The following FBXL13 variants were observed in gnomAD, a reference collection of about 807,000 sequenced individuals.
FBXL13 encodes the protein F-box and leucine-rich repeat protein 13.
Under a neutral mutation model 83.6 loss-of-function variants are expected in FBXL13, and 67 were observed. The observed-to-expected ratio is 0.80, with a 90% CI of 0.66 to 0.98. FBXL13 has a LOEUF of 0.98. Among genes scored for constraint, FBXL13 ranks in the 50% least tolerant of loss-of-function variants. The probability of loss-of-function intolerance (pLI) is 0.00; values close to 1 mark genes in which losing one functional copy is unlikely to be tolerated. For synonymous variants in FBXL13, 272 were observed against 299.5 expected (o/e 0.91, Z 0.95); for missense variants, 822 against 866.5 (o/e 0.95, Z 0.64).
intron 6 of FBXL13, among the ~76,000 whole-genome samples, chr7:103,003,224 T>C (rs1395444813): frequency 6.6e-6 from 1 of 151,716 alleles, no homozygotes; most frequent in Non-Finnish European, 1.5e-5. Context: ...AATGCATTTC[T>C]CAGTTCCAGG....
chr7:102,811,896 T>C (rs2129444368), downstream of FBXL13, among the ~76,000 whole-genome samples: 1 of 152,348 alleles, frequency 6.6e-6, no homozygotes, highest in East Asian at 1.9e-4. Context: ...TCAAAAACTT[T>C]GCAAGTCAAC....
chr7:102,922,699 G>A (rs1366663415), intron 10 of FBXL13, among the ~76,000 whole-genome samples: 4 of 152,230 alleles, frequency 2.6e-5, no homozygotes, highest in South Asian at 2.1e-4. Context: ...ATGACTGGGC[G>A]TGGTGGCTCA....
At position 102,969,907 on chromosome 7, in the gene FBXL13, G is replaced by T. The variant is rs150452962; in HGVS notation, c.496-1790C>A. On this transcript the variant is annotated intron_variant, in intron 6 of 19. Coordinates refer to ENST00000313221, the Ensembl canonical transcript of FBXL13. ...AAAGAAAAAAGAAAAGAAAAGAAAAGAAATCAACCATACTGGCAAAAGAAA... is the reference window on the plus strand; with the variant it reads ...AAAGAAAAAAGAAAAGAAAAGAAAATAAATCAACCATACTGGCAAAAGAAA... Among the ~76,000 whole-genome samples the T allele has an allele frequency of 3.6e-3, 550 of 151,890 alleles. 4 individuals are homozygous for T. The highest frequency in any genetic ancestry group is 0.013 in the African/African-American group (543 of 41,404).
chr7:102,896,062 T>C (rs1043915176), intron 11 of FBXL13, among the ~76,000 whole-genome samples: 3 of 152,162 alleles, frequency 2.0e-5, no homozygotes, highest in African/African-American at 7.2e-5. Context: ...GCTTATGTTT[T>C]TGAAGAATAG....
intron 8 of FBXL13, among the ~76,000 whole-genome samples, chr7:102,960,630 T>C (rs1825034785): frequency 6.6e-6 from 1 of 152,158 alleles, no homozygotes; most frequent in South Asian, 2.1e-4. Context: ...AAAAAGCTTA[T>C]CCACCACAAT....
intron 17 of FBXL13, among the ~76,000 whole-genome samples, chr7:102,852,017 T>A (rs1805338577): frequency 6.6e-6 from 1 of 152,156 alleles, no homozygotes; most frequent in South Asian, 2.1e-4. Context: ...CTGGCATAAT[T>A]TTTCAAACTC....
At chr7:103,028,126 G>A (rs1380333242) in intron 4 of FBXL13, among the ~76,000 whole-genome samples, 1 of 152,164 alleles carries the variant, frequency 6.6e-6, no homozygotes, top group Non-Finnish European at 1.5e-5. Flanking sequence ...GTTATACTGA[G>A]TGAGCATGGA....
At chr7:102,833,040 T>C (rs2093832129) in intron 17 of FBXL13, 66 bp from the exon 19 acceptor site, 1 of 1,542,390 alleles carries the variant, frequency 6.5e-7, no homozygotes, top group African/African-American at 1.4e-5. Flanking sequence ...TTACTTATAG[T>C]AGCTTATTAA....
At chr7:102,911,764 G>A (rs899726583) in intron 11 of FBXL13, among the ~76,000 whole-genome samples, 12 of 152,190 alleles carry the variant, frequency 7.9e-5, no homozygotes, top group African/African-American at 2.9e-4. Context: ...TAAGAAGCTG[G>A]TCTAAAATTC....
At chr7:102,894,026 AAAAG>A (rs1362599835) in intron 11 of FBXL13, among the ~76,000 whole-genome samples, 1 of 152,074 alleles carries the variant, frequency 6.6e-6, no homozygotes, top group Non-Finnish European at 1.5e-5. Flanking sequence ...GAAAGAAAAG[AAAAG>A]AAAGAGACAA....
chr7:102,920,957 G>A (rs1050947606), intron 10 of FBXL13, among the ~76,000 whole-genome samples: 10 of 151,996 alleles, frequency 6.6e-5, no homozygotes, highest in African/African-American at 2.4e-4. Flanking sequence ...TTCGAGACCG[G>A]CCTGGCCAAC....
intron 2 of FBXL13, among the ~76,000 whole-genome samples, chr7:103,051,521 G>T (rs1796813857): frequency 6.6e-6 from 1 of 152,150 alleles, no homozygotes; most frequent in East Asian, 1.9e-4. Flanking sequence ...AACACAAGTG[G>T]GTCCTGCAGG....
At chr7:102,888,889 T>C (rs1484459214) in intron 11 of FBXL13, among the ~76,000 whole-genome samples, 1 of 152,188 alleles carries the variant, frequency 6.6e-6, no homozygotes, top group Non-Finnish European at 1.5e-5. Flanking sequence ...TGGCTCTACC[T>C]CTTTCTTGCT....
intron 9 of FBXL13, among the ~76,000 whole-genome samples, chr7:102,929,327 G>T (rs1818706275): frequency 6.6e-6 from 1 of 152,160 alleles, no homozygotes; most frequent in South Asian, 2.1e-4. Context: ...AAGTATCTGT[G>T]TTGAAGTACT....
chr7:103,056,774 C>G (rs1797378223), intron 1 of FBXL13, among the ~76,000 whole-genome samples: 1 of 152,126 alleles, frequency 6.6e-6, no homozygotes, highest in Admixed American at 6.5e-5. Flanking sequence ...ACATTTTCAC[C>G]AGCAGTGTAG....
intron 1 of FBXL13, among the ~76,000 whole-genome samples, chr7:103,070,182 A>T (rs554407722): frequency 2.0e-5 from 3 of 152,180 alleles, no homozygotes; most frequent in African/African-American, 7.2e-5. Flanking sequence ...CCCACAAATG[A>T]TCTGGATATT....
intron 6 of FBXL13, among the ~76,000 whole-genome samples, chr7:103,014,855 C>T (rs1437699828): frequency 3.8e-5 from 5 of 131,688 alleles, no homozygotes; most frequent in South Asian, 2.7e-4. Flanking sequence ...CCCCGGGGGG[C>T]GGAGCCTGCA....
chr7:102,991,410 A>G (rs998222832), intron 6 of FBXL13, among the ~76,000 whole-genome samples: 4 of 152,186 alleles, frequency 2.6e-5, no homozygotes, highest in Non-Finnish European at 4.4e-5. Flanking sequence ...GCAGTTTTTG[A>G]GTGTCACAGT....
intron 18 of FBXL13, among the ~76,000 whole-genome samples, chr7:102,832,606 T>C (rs1030477352): frequency 6.6e-6 from 1 of 152,244 alleles, no homozygotes; most frequent in Non-Finnish European, 1.5e-5. Context: ...AAAGAAATCT[T>C]TGACACATGT....
Sources: allele counts gnomAD v4.1 joint callset (sites outside exome capture counted in the v4.1 genomes callset), GRCh38; gene constraint gnomAD v4.1.1; transcripts MANE v1.5; gene names NCBI Gene and HGNC (gene_info 2026-07-23, HGNC 2026-07-21).